Variants in KDM4C observed in about 807,000 individuals in gnomAD.
The protein encoded by KDM4C is lysine demethylase 4C.
KDM4C carries 81 observed loss-of-function variants against 129.3 expected under a neutral mutation model. That is an observed-to-expected ratio of 0.63 (90% CI 0.52 to 0.75). The LOEUF is 0.75. Ranked by LOEUF, KDM4C falls within the 30% of genes least tolerant of loss-of-function variation. The probability of loss-of-function intolerance (pLI) is 0.00; values close to 1 mark genes in which losing one functional copy is unlikely to be tolerated. For missense variants in KDM4C, 1,457 were observed against 1,304.0 expected, an observed-to-expected ratio of 1.12 and a Z score of -1.81; for synonymous variants, 573 against 456.1, an observed-to-expected ratio of 1.26 and a Z score of -3.26.
At chr9:6,724,750 C>T (rs1440321333) in intron 1 of KDM4C, among the ~76,000 whole-genome samples, 3 of 152,000 alleles carry the variant, frequency 2.0e-5, no homozygotes, top group East Asian at 3.9e-4. Flanking sequence ...AGGATGATCT[C>T]GATCTCTTGA....
At chr9:6,959,289 G>T (rs1829636324) in intron 8 of KDM4C, among the ~76,000 whole-genome samples, 1 of 152,174 alleles carries the variant, frequency 6.6e-6, no homozygotes, top group Non-Finnish European at 1.5e-5. Flanking sequence ...TTTGACCATA[G>T]TTAGAGGAGT....
At chr9:6,732,133 A>G (rs149271101) in intron 1 of KDM4C, among the ~76,000 whole-genome samples, 10 of 151,696 alleles carry the variant, frequency 6.6e-5, no homozygotes, top group East Asian at 3.9e-4. Context: ...TTGGGAGGCC[A>G]AGGTGGGCGG....
intron 5 of KDM4C, among the ~76,000 whole-genome samples, chr9:6,876,536 A>C (rs1843584201): frequency 6.6e-6 from 1 of 152,168 alleles, no homozygotes; most frequent in Admixed American, 6.5e-5. Flanking sequence ...AACACATGAA[A>C]ATATATGCAC....
At chr9:6,889,211 T>TTGTGTGTGTG (rs34443147) in intron 7 of KDM4C, among the ~76,000 whole-genome samples, 2,336 of 61,538 alleles carry the variant, frequency 0.038, 116 homozygotes, top group Middle Eastern at 0.059. Flanking sequence ...GGCCTTCTTT[T>TTGTGTGTGTG]TGTGTGTGTG....
At chr9:7,026,127 C>G (rs2132307633) in intron 15 of KDM4C, among the ~76,000 whole-genome samples, 2 of 151,890 alleles carry the variant, frequency 1.3e-5, no homozygotes, top group African/African-American at 2.4e-5. Context: ...ATCGCTTGAA[C>G]CCGGGAGACG....
chr9:7,018,781 T>A (rs1824141178), intron 15 of KDM4C, among the ~76,000 whole-genome samples: 1 of 152,232 alleles, frequency 6.6e-6, no homozygotes, highest in Non-Finnish European at 1.5e-5. Context: ...GTAGCATGTT[T>A]CATACAGAAA....
At chr9:7,026,815 A>T (rs955370571) in intron 15 of KDM4C, among the ~76,000 whole-genome samples, 1 of 151,772 alleles carries the variant, frequency 6.6e-6, no homozygotes, top group African/African-American at 2.4e-5. Flanking sequence ...GTGTATTTTC[A>T]AATAACCTGT....
chr9:7,171,339 G>A (rs1032573570), intron 21 of KDM4C, among the ~76,000 whole-genome samples: 2 of 152,102 alleles, frequency 1.3e-5, no homozygotes, highest in East Asian at 1.9e-4. Flanking sequence ...TACCAAGACC[G>A]AAAAACCTTA....
intron 8 of KDM4C, among the ~76,000 whole-genome samples, chr9:6,929,581 A>G (rs958048145): frequency 1.3e-5 from 2 of 148,914 alleles, no homozygotes; most frequent in African/African-American, 2.5e-5. Flanking sequence ...GGTAAGTGCT[A>G]CTCTTCCCCA....
At chr9:7,165,407 A>T in intron 20 of KDM4C, 50 bp downstream of exon 20, 1 of 1,590,292 alleles carries the variant, frequency 6.3e-7, no homozygotes, top group Non-Finnish European at 8.6e-7. Flanking sequence ...ATGATAAGTC[A>T]GAAGGAGATA....
chr9:7,033,657 C>G lies in KDM4C; in HGVS notation c.2260-13205C>G, dbSNP rs1362628132. On this transcript the variant is annotated intron_variant, in intron 15 of 21. Transcript: ENST00000381309. ...CTCTTTCTTTTGCTCAATAACACCC[C>G]CCACCTCTGCTCTGTAATGGAGAGA... Among the ~76,000 whole-genome samples, 4 of 152,170 alleles carry G rather than the reference C, an allele frequency of 2.6e-5. No individual in the cohort carries two copies. The East Asian group carries it at 7.7e-4, about 29-fold the overall frequency.
At chr9:7,170,779 T>C (rs1844876363) in intron 21 of KDM4C, 3 of 983,380 alleles carry the variant, frequency 3.1e-6, no homozygotes, top group Non-Finnish European at 3.6e-6. Context: ...TCACTATAGA[T>C]TATTTGGTTA....
intron 1 of KDM4C, among the ~76,000 whole-genome samples, chr9:6,740,404 C>G (rs375046051): frequency 5.9e-5 from 9 of 151,860 alleles, no homozygotes; most frequent in Admixed American, 4.6e-4. Context: ...GGGGTTTCAC[C>G]GTGTTAGCCA....
At chr9:7,133,674 G>A (rs777691827) in intron 19 of KDM4C, among the ~76,000 whole-genome samples, 5 of 152,182 alleles carry the variant, frequency 3.3e-5, no homozygotes, top group Non-Finnish European at 7.3e-5. Context: ...GGTAGAAGAC[G>A]CTGTGCCTGC....
chr9:6,814,388 A>G (rs576871820), intron 3 of KDM4C, among the ~76,000 whole-genome samples: 5 of 152,220 alleles, frequency 3.3e-5, no homozygotes, highest in South Asian at 2.1e-4. Flanking sequence ...TTCTGCTTCT[A>G]TTGTTGTTTT....
chr9:6,855,269 G>T (rs1839592967), intron 5 of KDM4C, among the ~76,000 whole-genome samples: 1 of 151,894 alleles, frequency 6.6e-6, no homozygotes, highest in African/African-American at 2.4e-5. Flanking sequence ...GACTAGCCTG[G>T]CCAACATAGT....
intron 15 of KDM4C, among the ~76,000 whole-genome samples, chr9:7,037,512 C>T (rs1307622180): frequency 1.3e-5 from 2 of 152,118 alleles, no homozygotes; most frequent in Non-Finnish European, 2.9e-5. Flanking sequence ...GGTTTAATAA[C>T]TGAGGCATAA....
intron 1 of KDM4C, among the ~76,000 whole-genome samples, chr9:6,785,208 T>G (rs1825208125): frequency 6.6e-6 from 1 of 152,240 alleles, no homozygotes; most frequent in Non-Finnish European, 1.5e-5. Flanking sequence ...GGAATCTGCT[T>G]ACAGCCTTTG....
intron 12 of KDM4C, among the ~76,000 whole-genome samples, chr9:7,009,673 T>C (rs1443432419): frequency 2.6e-5 from 4 of 152,214 alleles, no homozygotes; most frequent in Admixed American, 2.6e-4. Flanking sequence ...AATAGTCAAA[T>C]CATGGGTGTT....
Sources: gnomAD v4.1 joint callset for allele counts (sites outside exome capture counted in the v4.1 genomes callset) on GRCh38, gnomAD v4.1.1 for gene constraint, MANE v1.5 for transcripts, NCBI Gene and HGNC (gene_info 2026-07-23, HGNC 2026-07-21) for gene names.